The following LRRC4C variants were observed in gnomAD, a reference collection of about 807,000 sequenced individuals.
The protein encoded by LRRC4C is leucine rich repeat containing 4C, also known as leucine-rich repeat-containing protein 4C.
LRRC4C carries 5 observed loss-of-function variants against 33.6 expected under a neutral mutation model. The ratio of observed to expected loss-of-function variants is 0.15; its 90% confidence interval spans 0.08 to 0.31. The LOEUF is 0.31. Among genes scored for constraint, LRRC4C ranks in the 10% least tolerant of loss-of-function variants. LRRC4C has a pLI of 1.00. For missense variants in LRRC4C, 560 were observed against 796.7 expected, an observed-to-expected ratio of 0.70 and a Z score of 3.58; for synonymous variants, 329 against 302.0, an observed-to-expected ratio of 1.09 and a Z score of -0.93.
chr11:41,227,576 T>G (rs766301965), intron 1 of LRRC4C, among the ~76,000 whole-genome samples: 33 of 152,238 alleles, frequency 2.2e-4, no homozygotes, highest in Admixed American at 5.9e-4. Context: ...CATGGCTCAC[T>G]GCAGCCTCAA....
At chr11:40,167,356 G>A (rs1175954850) in intron 5 of LRRC4C, among the ~76,000 whole-genome samples, 1 of 152,068 alleles carries the variant, frequency 6.6e-6, no homozygotes, top group African/African-American at 2.4e-5. Flanking sequence ...TCAAAATAAT[G>A]GGATGAAGAT....
chr11:40,440,209 T>A (rs962480533), intron 3 of LRRC4C, among the ~76,000 whole-genome samples: 2 of 152,054 alleles, frequency 1.3e-5, no homozygotes, highest in Non-Finnish European at 2.9e-5. Context: ...TGGCATAGAG[T>A]AGATGCTGAT....
intron 1 of LRRC4C, among the ~76,000 whole-genome samples, chr11:41,164,451 A>G (rs1944629624): frequency 6.6e-6 from 1 of 152,112 alleles, no homozygotes; most frequent in African/African-American, 2.4e-5. Context: ...TAAAAGGAGA[A>G]CACTCTAAAA....
intron 1 of LRRC4C, among the ~76,000 whole-genome samples, chr11:41,167,677 G>A (rs1944790346): frequency 6.6e-6 from 1 of 152,068 alleles, no homozygotes; most frequent in Non-Finnish European, 1.5e-5. Flanking sequence ...CCCAAATACA[G>A]AAAAGTGTCA....
chr11:41,380,308 C>T (rs1207664151), intron 1 of LRRC4C, among the ~76,000 whole-genome samples: 1 of 152,038 alleles, frequency 6.6e-6, no homozygotes, highest in Non-Finnish European at 1.5e-5. Flanking sequence ...ATCACTTTTG[C>T]CAGAGTGCAC....
intron 1 of LRRC4C, among the ~76,000 whole-genome samples, chr11:40,986,631 G>A (rs1462886203): frequency 2.0e-5 from 3 of 152,020 alleles, no homozygotes; most frequent in Admixed American, 6.6e-5. Flanking sequence ...GACTGGGACT[G>A]AAGGCAGAGT....
intron 1 of LRRC4C, among the ~76,000 whole-genome samples, chr11:41,457,009 T>C (rs1956189663): frequency 6.6e-6 from 1 of 152,180 alleles, no homozygotes; most frequent in Admixed American, 6.5e-5. Flanking sequence ...TAGCCTAAAA[T>C]AAGTGATCAT....
chr11:40,550,615 C>T (rs897715342), intron 3 of LRRC4C, among the ~76,000 whole-genome samples: 115 of 152,048 alleles, frequency 7.6e-4, no homozygotes, highest in African/African-American at 2.8e-3. Flanking sequence ...CTGAAAAATG[C>T]CTTTTGAATT....
intron 2 of LRRC4C, among the ~76,000 whole-genome samples, chr11:40,721,358 T>G (rs1947004874): frequency 2.0e-5 from 3 of 152,194 alleles, no homozygotes; most frequent in Admixed American, 2.0e-4. Context: ...TGGAAGCAGA[T>G]GCTTCACAGA....
chr11:41,271,212 C>A (rs768757947), intron 1 of LRRC4C, among the ~76,000 whole-genome samples: 1 of 151,948 alleles, frequency 6.6e-6, no homozygotes, highest in Non-Finnish European at 1.5e-5. Flanking sequence ...CCACAGTCCA[C>A]TTTCCTCCTT....
At chr11:40,264,320 A>C (rs1942086222) in intron 4 of LRRC4C, among the ~76,000 whole-genome samples, 1 of 152,314 alleles carries the variant, frequency 6.6e-6, no homozygotes, top group East Asian at 1.9e-4. Flanking sequence ...AATTTCTTAT[A>C]GTTGCTGGGT....
At chr11:40,160,533 T>C (rs984320737) in intron 5 of LRRC4C, among the ~76,000 whole-genome samples, 1 of 152,222 alleles carries the variant, frequency 6.6e-6, no homozygotes, top group East Asian at 1.9e-4. Context: ...TACAAGAGCA[T>C]TGCCTGCAGA....
At chr11:41,421,183 A>G (rs537029735) in intron 1 of LRRC4C, among the ~76,000 whole-genome samples, 8 of 152,194 alleles carry the variant, frequency 5.3e-5, no homozygotes, top group African/African-American at 1.9e-4. Flanking sequence ...CACAGTAAGC[A>G]TAATAAAAAC....
At chr11:40,484,159 A>C (rs1953736073) in intron 3 of LRRC4C, among the ~76,000 whole-genome samples, 1 of 152,278 alleles carries the variant, frequency 6.6e-6, no homozygotes, top group Non-Finnish European at 1.5e-5. Flanking sequence ...ATGTTTTGAT[A>C]TCTAACAGAA....
At chr11:41,281,078 C>CTCTCTCTCTCTCCT (rs1491428513) in intron 1 of LRRC4C, among the ~76,000 whole-genome samples, 3 of 83,116 alleles carry the variant, frequency 3.6e-5, no homozygotes, top group Admixed American at 1.6e-4. Flanking sequence ...CTCTCTCTGT[C>CTCTCTCTCTCTCCT]CTCTCTCTCT....
intron 2 of LRRC4C, among the ~76,000 whole-genome samples, chr11:40,858,546 T>A (rs1953914547): frequency 6.6e-6 from 1 of 151,640 alleles, no homozygotes; most frequent in Non-Finnish European, 1.5e-5. Flanking sequence ...AATACAAACA[T>A]TAGCTGGGCA....
chr11:41,119,296 A>AG (rs766958690), intron 1 of LRRC4C, among the ~76,000 whole-genome samples: 34 of 152,252 alleles, frequency 2.2e-4, no homozygotes, highest in Admixed American at 5.9e-4. Context: ...TTTTTCAGAG[A>AG]GAAAAAAGGG....
At chr11:41,187,764 C>G (rs572246415) in intron 1 of LRRC4C, among the ~76,000 whole-genome samples, 1 of 152,318 alleles carries the variant, frequency 6.6e-6, no homozygotes, top group South Asian at 2.1e-4. Flanking sequence ...GAGCTGTGAG[C>G]ATTCACCCCT....
chr11:40,404,499 A>C (rs570099224), intron 3 of LRRC4C, among the ~76,000 whole-genome samples: 1 of 152,224 alleles, frequency 6.6e-6, no homozygotes, highest in Non-Finnish European at 1.5e-5. Flanking sequence ...CTCGTCCTGC[A>C]ATTCTCCCAC....
Sources: gnomAD v4.1 joint callset for allele counts (sites outside exome capture counted in the v4.1 genomes callset) on GRCh38, gnomAD v4.1.1 for gene constraint, MANE v1.5 for transcripts, NCBI Gene and HGNC (gene_info 2026-07-23, HGNC 2026-07-21) for gene names.